Variants in GAB2 observed in about 807,000 individuals in gnomAD.
GAB2 encodes GRB2 associated binding protein 2, also known as GRB2-associated-binding protein 2.
Under a neutral mutation model 65.5 loss-of-function variants are expected in GAB2, and 26 were observed. That is an observed-to-expected ratio of 0.40 (90% confidence interval 0.29 to 0.55). GAB2 has a LOEUF of 0.55. Ranked by LOEUF, GAB2 falls within the 20% of genes least tolerant of loss-of-function variation. GAB2 has a pLI of 0.53. For missense variants in GAB2, 884 were observed against 875.8 expected (o/e 1.01, Z -0.12); for synonymous variants, 321 against 329.6 (o/e 0.97, Z 0.28).
At chr11:78,255,048 G>A (rs754745405) in intron 2 of GAB2, among the ~76,000 whole-genome samples, 6 of 152,070 alleles carry the variant, frequency 3.9e-5, no homozygotes, top group African/African-American at 7.2e-5. Context: ...ACATAGTTAA[G>A]AGGAAGTCAT....
intron 1 of GAB2, among the ~76,000 whole-genome samples, chr11:78,308,004 G>A (rs1014720657): frequency 5.3e-5 from 8 of 152,030 alleles, no homozygotes; most frequent in Non-Finnish European, 7.4e-5. Context: ...AAAGGCAGAG[G>A]GAAAACATTT....
chr11:78,407,748 A>AAGAAAAAG (rs1271660667), intron 1 of GAB2, among the ~76,000 whole-genome samples: 3 of 129,890 alleles, frequency 2.3e-5, no homozygotes, highest in East Asian at 3.0e-4. Flanking sequence ...GAAAGAAAGA[A>AAGAAAAAG]AAAGAAAGAA....
rs562078290 is a variant in GAB2 at position 78,417,179 on chromosome 11, G to A, written c.75+467C>T. Among the ~76,000 whole-genome samples, 155 of 152,300 alleles carry A rather than the reference G, an allele frequency of 1.0e-3. 1 individual carries two copies. The highest frequency in any genetic ancestry group is 3.5e-3 in the African/African-American group (146 of 41,584). On this transcript the variant is annotated intron_variant, in intron 1 of 9. Transcript: ENST00000361507. Reference sequence around the variant, plus strand: ...CGGCCGGGAGGGGCAGGCGGAGAAAGGGAAGGAGAGGGCGTGAGGCGCTCG... The same window carrying A: ...CGGCCGGGAGGGGCAGGCGGAGAAAAGGAAGGAGAGGGCGTGAGGCGCTCG...
chr11:78,309,942 G>A (rs1855454726), intron 1 of GAB2, among the ~76,000 whole-genome samples: 1 of 138,198 alleles, frequency 7.2e-6, no homozygotes, highest in Non-Finnish European at 1.5e-5. Flanking sequence ...GTGTGTGTGT[G>A]TGTGTGTGTG....
rs74817689 is a variant in GAB2 at position 78,225,169 on chromosome 11, C to A, written c.1241G>T (p.Arg414Leu). 1.2e-6 allele frequency: 2 copies of A among 1,613,316 alleles called. No individual in the cohort carries two copies. The change falls in exon 5 of 10, where the codon CGT becomes CTT. Residue 414 changes from arginine to leucine, a missense_variant. Transcript: ENST00000361507. Reference protein sequence around the residue: ...SSCETYEYPQRGGESAGRSAE... With the variant: ...SSCETYEYPQLGGESAGRSAE... ...AGACCGGCCTGCACTCTCTCCACCA[C>A]GCTGTGGGTACTCGTAGGTCTCACA...
intron 1 of GAB2, among the ~76,000 whole-genome samples, chr11:78,412,915 G>C (rs1857147292): frequency 6.6e-6 from 1 of 152,190 alleles, no homozygotes; most frequent in Non-Finnish European, 1.5e-5. Context: ...TGGGGATGAA[G>C]AAGCGTATAA....
chr11:78,342,542 G>A (rs190783156), intron 1 of GAB2, among the ~76,000 whole-genome samples: 1,587 of 151,630 alleles, frequency 0.01, 13 homozygotes, highest in Non-Finnish European at 0.018. Context: ...CCGAGTAGCT[G>A]GGACTACAGG....
chr11:78,381,243 T>C (rs1316247340), intron 1 of GAB2, among the ~76,000 whole-genome samples: 1 of 152,256 alleles, frequency 6.6e-6, no homozygotes, highest in Non-Finnish European at 1.5e-5. Flanking sequence ...TGGTCTTGAA[T>C]AGCTTCTTTA....
At chr11:78,286,022 C>T (rs1281562309) in intron 1 of GAB2, among the ~76,000 whole-genome samples, 1 of 152,148 alleles carries the variant, frequency 6.6e-6, no homozygotes, top group Non-Finnish European at 1.5e-5. Context: ...GCTCTCACCT[C>T]AATTATGTTT....
chr11:78,415,283 A>C (rs1857180587), intron 1 of GAB2, among the ~76,000 whole-genome samples: 1 of 152,228 alleles, frequency 6.6e-6, no homozygotes, highest in Non-Finnish European at 1.5e-5. Flanking sequence ...AGGATTTCTC[A>C]ATCTACAATA....
At chr11:78,405,091 A>AT (rs1174366754) in intron 1 of GAB2, among the ~76,000 whole-genome samples, 3,637 of 93,224 alleles carry the variant, frequency 0.039, 88 homozygotes, top group Non-Finnish European at 0.052. Context: ...AAAAACATGG[A>AT]TTTTTTTTTT....
intron 1 of GAB2, among the ~76,000 whole-genome samples, chr11:78,314,397 C>T (rs1855559602): frequency 6.6e-6 from 1 of 152,200 alleles, no homozygotes; most frequent in Non-Finnish European, 1.5e-5. Flanking sequence ...GAAGTAGACG[C>T]TATTATCCTC....
intron 1 of GAB2, among the ~76,000 whole-genome samples, chr11:78,375,467 T>C (rs1228532275): frequency 1.3e-5 from 2 of 152,122 alleles, no homozygotes; most frequent in Non-Finnish European, 2.9e-5. Context: ...TGTTGGAAAA[T>C]GTTTAACATT....
At chr11:78,283,229 G>A (rs776914212) in intron 1 of GAB2, among the ~76,000 whole-genome samples, 1 of 152,124 alleles carries the variant, frequency 6.6e-6, no homozygotes, top group Non-Finnish European at 1.5e-5. Flanking sequence ...CATGTTCCAT[G>A]ACTACATTTA....
chr11:78,243,810 C>T lies in GAB2; in HGVS notation c.620+6347G>A, dbSNP rs1290782777. 2.0e-5 allele frequency among the ~76,000 whole-genome samples: 3 copies of T among 152,158 alleles called. No individual in the cohort carries two copies. The East Asian group carries it at 5.8e-4, about 29-fold the overall frequency. On this transcript the variant is annotated intron_variant, in intron 3 of 9. Transcript: ENST00000361507. ...AGTGAGCTGAGATCGCGCCACTGCA[C>T]TCCAGCCTGGAGGACAGAGCAAGAC...
chr11:78,320,443 G>A (rs538589150), intron 1 of GAB2, among the ~76,000 whole-genome samples: 142 of 152,260 alleles, frequency 9.3e-4, no homozygotes, highest in African/African-American at 3.1e-3. Context: ...TGTTCAATGT[G>A]GGAAGAAGAT....
At chr11:78,267,857 C>CAAAA (rs751533828) in intron 2 of GAB2, among the ~76,000 whole-genome samples, 1,049 of 32,768 alleles carry the variant, frequency 0.032, 101 homozygotes, top group African/African-American at 0.084. Context: ...GACTCCGTCT[C>CAAAA]AAAAAAAAAA....
At chr11:78,253,733 G>A (rs1016333408) in intron 2 of GAB2, among the ~76,000 whole-genome samples, 2 of 152,092 alleles carry the variant, frequency 1.3e-5, no homozygotes, top group African/African-American at 4.8e-5. Context: ...CACAGTGATG[G>A]CAGAGATTTT....
At chr11:78,244,192 G>C (rs1433423200) in intron 3 of GAB2, among the ~76,000 whole-genome samples, 2 of 152,092 alleles carry the variant, frequency 1.3e-5, no homozygotes, top group Admixed American at 1.3e-4. Flanking sequence ...AGGAGTTCAA[G>C]ACCAGCCTGG....
Sources: allele counts gnomAD v4.1 joint callset (sites outside exome capture counted in the v4.1 genomes callset), GRCh38; gene constraint gnomAD v4.1.1; transcripts MANE v1.5; gene names NCBI Gene and HGNC (gene_info 2026-07-23, HGNC 2026-07-21).